CHST9: variants seen among roughly 807,000 people sequenced by gnomAD.
CHST9 encodes GalNAc-4-sulfotransferase 2.
Under a neutral mutation model 44.4 loss-of-function variants are expected in CHST9, and 41 were observed. The ratio of observed to expected loss-of-function variants is 0.92; its 90% confidence interval spans 0.72 to 1.20. The LOEUF is 1.20. CHST9 is among the 50% of genes most tolerant of loss of function. The probability of loss-of-function intolerance (pLI) is 0.00; values close to 1 mark genes in which losing one functional copy is unlikely to be tolerated. For missense variants in CHST9, 504 were observed against 516.5 expected (o/e 0.98, Z 0.23); for synonymous variants, 171 against 178.4 (o/e 0.96, Z 0.33).
chr18:27,007,941 T>A (rs973562385), intron 4 of CHST9, among the ~76,000 whole-genome samples: 1 of 152,162 alleles, frequency 6.6e-6, no homozygotes, highest in Non-Finnish European at 1.5e-5. Flanking sequence ...ACTGATTTAT[T>A]TTTTGGTGGG....
chr18:27,180,836 G>A lies in CHST9; in HGVS notation c.-97+4300C>T, dbSNP rs532906522. On this transcript the variant is annotated intron_variant, in intron 1 of 5. Transcript: ENST00000618847. Reference sequence around the variant, plus strand: ...GACTTAGGCATTGATAAGAAGAAACGGATTCCTTTAATAAGTGTATATAAA... The same window carrying A: ...GACTTAGGCATTGATAAGAAGAAACAGATTCCTTTAATAAGTGTATATAAA... Among the ~76,000 whole-genome samples, 56 of 152,104 alleles carry A rather than the reference G, an allele frequency of 3.7e-4. 1 individual carries two copies. The South Asian group carries it at 5.8e-3, about 16-fold the overall frequency.
At chr18:26,977,890 C>T (rs2056642751) in intron 4 of CHST9, among the ~76,000 whole-genome samples, 1 of 151,918 alleles carries the variant, frequency 6.6e-6, no homozygotes, top group Non-Finnish European at 1.5e-5. Context: ...GTCACTAGGG[C>T]ATGATGCGTG....
intron 1 of CHST9, among the ~76,000 whole-genome samples, chr18:27,150,328 G>C (rs1047760406): frequency 6.6e-6 from 1 of 152,160 alleles, no homozygotes; most frequent in Admixed American, 6.6e-5. Context: ...GTCTGTGTCT[G>C]AGTCTGGTTC....
intron 4 of CHST9, among the ~76,000 whole-genome samples, chr18:27,022,626 T>C (rs1401177838): frequency 6.6e-6 from 1 of 152,218 alleles, no homozygotes; most frequent in African/African-American, 2.4e-5. Flanking sequence ...GGGCAATACA[T>C]GTGCTTTGAT....
intron 1 of CHST9, among the ~76,000 whole-genome samples, chr18:27,154,330 T>G (rs564910571): frequency 6.6e-6 from 1 of 152,258 alleles, no homozygotes; most frequent in African/African-American, 2.4e-5. Context: ...GAAATATCAT[T>G]TAAGCACATG....
chr18:27,151,784 A>T (rs1217556649), intron 1 of CHST9, among the ~76,000 whole-genome samples: 2 of 152,196 alleles, frequency 1.3e-5, no homozygotes, highest in Non-Finnish European at 2.9e-5. Context: ...TTCTACCCAG[A>T]GCTACAGAAG....
At chr18:27,145,066 G>A (rs112849284) in intron 1 of CHST9, among the ~76,000 whole-genome samples, 3 of 152,100 alleles carry the variant, frequency 2.0e-5, no homozygotes, top group South Asian at 2.1e-4. Flanking sequence ...AGAAGTGAAT[G>A]TATTAAGTAA....
At position 26,915,910 on chromosome 18, in the gene CHST9, T is replaced by C. The variant is rs547818952; in HGVS notation, c.*349A>G. 5.2e-5 allele frequency: 9 copies of C among 172,832 alleles called. No individual in the cohort carries two copies. The highest frequency in any genetic ancestry group is 1.0e-4 in the Non-Finnish European group (8 of 80,386). The allele number at this position is 172,832 out of a possible 1,614,324, so 10.7% of individuals were successfully genotyped here. ...GCATTTTAGACAATAAATTTCAGGA[T>C]ATAGACATACACTCATGCTATTTGA... On this transcript the variant is annotated 3_prime_UTR_variant, in exon 6 of 6. Transcript: ENST00000618847.
chr18:27,011,468 T>TG (rs1217398033), intron 4 of CHST9, among the ~76,000 whole-genome samples: 8 of 152,030 alleles, frequency 5.3e-5, no homozygotes, highest in Admixed American at 4.6e-4. Flanking sequence ...ATTCTCAGGC[T>TG]GGGGAAAAAA....
intron 1 of CHST9, among the ~76,000 whole-genome samples, chr18:27,158,894 A>G (rs1411166036): frequency 6.6e-6 from 1 of 152,242 alleles, no homozygotes; most frequent in African/African-American, 2.4e-5. Context: ...TTGGCTGCAT[A>G]AATGTCTTCT....
chr18:26,969,500 G>T (rs575320399), intron 4 of CHST9, among the ~76,000 whole-genome samples: 80 of 152,170 alleles, frequency 5.3e-4, no homozygotes, highest in Non-Finnish European at 9.6e-4. Flanking sequence ...CCCAGATAAA[G>T]ATGAGTTTAT....
chr18:26,993,906 A>G (rs1418195677), intron 4 of CHST9, among the ~76,000 whole-genome samples: 1 of 152,224 alleles, frequency 6.6e-6, no homozygotes, highest in African/African-American at 2.4e-5. Flanking sequence ...TAGAAGTCCA[A>G]GGGCAAGGTG....
At chr18:26,927,310 C>A (rs537050538) in intron 5 of CHST9, among the ~76,000 whole-genome samples, 1 of 151,768 alleles carries the variant, frequency 6.6e-6, no homozygotes, top group African/African-American at 2.4e-5. Context: ...CACCTGTGGG[C>A]GTTTCTCGTC....
intron 4 of CHST9, among the ~76,000 whole-genome samples, chr18:26,962,996 C>T (rs772704358): frequency 1.3e-5 from 2 of 152,184 alleles, no homozygotes; most frequent in African/African-American, 2.4e-5. Flanking sequence ...CTGACATTTT[C>T]TGAGGAACAC....
At chr18:27,068,683 G>A (rs1035544113) in intron 2 of CHST9, among the ~76,000 whole-genome samples, 7 of 152,122 alleles carry the variant, frequency 4.6e-5, no homozygotes, top group African/African-American at 1.7e-4. Flanking sequence ...CACATAGTAT[G>A]GAAGTCAGAG....
intron 5 of CHST9, chr18:26,936,461 C>T (rs570182430): frequency 5.3e-5 from 8 of 151,886 alleles, no homozygotes; most frequent in Non-Finnish European, 7.4e-5. Flanking sequence ...AACATGATGA[C>T]AAGTGGGCTC....
chr18:27,177,982 T>C (rs572040914), intron 1 of CHST9, among the ~76,000 whole-genome samples: 1 of 152,066 alleles, frequency 6.6e-6, no homozygotes, highest in East Asian at 1.9e-4. Context: ...TCCAACAACT[T>C]CAATTTCATC....
At chr18:27,075,858 C>T (rs2057898365) in intron 2 of CHST9, among the ~76,000 whole-genome samples, 1 of 152,182 alleles carries the variant, frequency 6.6e-6, no homozygotes, top group African/African-American at 2.4e-5. Context: ...AAAAGACTGT[C>T]ATGAATGCCA....
At chr18:26,944,977 A>T (rs12954099) in intron 4 of CHST9, among the ~76,000 whole-genome samples, 20,693 of 152,202 alleles carry the variant, frequency 0.14, 1,881 homozygotes, top group Non-Finnish European at 0.21. Context: ...AAAAATAAGG[A>T]TTCTAATATA....
Sources: allele counts gnomAD v4.1 joint callset (sites outside exome capture counted in the v4.1 genomes callset), GRCh38; gene constraint gnomAD v4.1.1; transcripts MANE v1.5; gene names NCBI Gene and HGNC (gene_info 2026-07-23, HGNC 2026-07-21).